The following AGPAT3 variants were observed in gnomAD, a reference collection of about 807,000 sequenced individuals.
AGPAT3 encodes the protein 1-acylglycerol-3-phosphate O-acyltransferase 3, also known as 1-acyl-sn-glycerol-3-phosphate acyltransferase gamma.
A neutral mutation model predicts 47.3 loss-of-function variants in AGPAT3; 5 were observed. The observed-to-expected ratio is 0.11, with a 90% CI of 0.06 to 0.22. AGPAT3 has a LOEUF of 0.22. AGPAT3 is among the 10% of genes least tolerant of loss of function. AGPAT3 has a pLI of 1.00. For missense variants in AGPAT3, 315 were observed against 493.0 expected (o/e 0.64, Z 3.42); for synonymous variants, 212 against 208.3 (o/e 1.02, Z -0.15).
rs558690087 is a variant in AGPAT3 at position 43,912,541 on chromosome 21, G to A, written c.-49+8522G>A. ...CAATCTTTGTTTCTCTCCTTTACTC[G>A]TCCTATGCCAGTGGCTGCAGGAAGT... On this transcript the variant is annotated intron_variant, in intron 2 of 9. Coordinates refer to ENST00000291572, the MANE Select transcript of AGPAT3 (RefSeq NM_020132.5). Among the ~76,000 whole-genome samples, 119 of 152,302 alleles carry A rather than the reference G, an allele frequency of 7.8e-4. 3 individuals carry two copies. The highest frequency in any genetic ancestry group is 2.2e-3 in the Admixed American group (34 of 15,302).
chr21:43,877,804 G>A (rs772815251), intron 1 of AGPAT3, among the ~76,000 whole-genome samples: 46 of 152,090 alleles, frequency 3.0e-4, no homozygotes, highest in African/African-American at 9.9e-4. Context: ...CATTCCCATC[G>A]TTGTTCTGGT....
rs372749459 is a variant in AGPAT3, at chr21:43,952,187, C to T, written c.-48-7447C>T. Among the ~76,000 whole-genome samples the T allele has an allele frequency of 6.9e-4, 105 of 152,164 alleles. 1 individual carries two copies. In the East Asian group the frequency reaches 0.013, roughly 19 times the overall value. The stretch of plus-strand genomic sequence containing the variant: ...CGGGGCTGCAGCTGCAGGCTTTTGT[C>T]GTCCTGTGGTCCTGGAGGCTGCAGG... On this transcript the variant is annotated intron_variant, in intron 2 of 9. Coordinates refer to ENST00000291572, the MANE Select transcript of AGPAT3 (RefSeq NM_020132.5). This position sits in a 1 kb window ranked among gnomAD's most constrained non-coding sequence, Gnocchi z 5.6.
In AGPAT3 at chr21:43,906,326, TC is replaced by T. The variant is rs768151497; in HGVS notation, c.-49+2314del. Among the ~76,000 whole-genome samples the T allele has an allele frequency of 1.9e-3, 291 of 151,512 alleles. 2 individuals are homozygous for T. Among genetic ancestry groups the T allele is most frequent in the African/African-American group, 6.6e-3 (273 of 41,264 alleles). ...TAAGCAGACGGTGTGGCACTGCAGC[TC>T]CCCCCCGCCCAAGCTGGTGAGTGTT... On this transcript the variant is annotated intron_variant, in intron 2 of 9. Transcript: ENST00000291572.
At chr21:43,894,304 C>A (rs1012941249) in intron 1 of AGPAT3, among the ~76,000 whole-genome samples, 3 of 149,250 alleles carry the variant, frequency 2.0e-5, no homozygotes, top group African/African-American at 7.4e-5. Context: ...CTGGTGAAAT[C>A]GTTCTGAACT....
chr21:43,947,753 C>T (rs1425373769), intron 2 of AGPAT3, among the ~76,000 whole-genome samples: 3 of 150,730 alleles, frequency 2.0e-5, no homozygotes, highest in African/African-American at 4.9e-5. Context: ...AAGTGATTCT[C>T]CTGCCTCAGC....
chr21:43,868,772 A>G (rs2085561876), intron 1 of AGPAT3, among the ~76,000 whole-genome samples: 1 of 152,164 alleles, frequency 6.6e-6, no homozygotes, highest in Non-Finnish European at 1.5e-5. Flanking sequence ...GCTTTATGAC[A>G]TGCTTACCTT....
intron 2 of AGPAT3, among the ~76,000 whole-genome samples, chr21:43,941,522 G>A (rs2087655620): frequency 6.6e-6 from 1 of 152,206 alleles, no homozygotes; most frequent in South Asian, 2.1e-4. Context: ...ACTCCAGCCT[G>A]GGCAACAGAG....
chr21:43,961,954 T>C (rs940300268), intron 3 of AGPAT3, among the ~76,000 whole-genome samples: 4 of 152,048 alleles, frequency 2.6e-5, no homozygotes, highest in African/African-American at 9.7e-5. Context: ...GCCCTTAGAC[T>C]AGCTTGTCTT....
intron 2 of AGPAT3, among the ~76,000 whole-genome samples, chr21:43,929,545 G>A (rs1421495609): frequency 6.6e-6 from 1 of 152,236 alleles, no homozygotes; most frequent in Non-Finnish European, 1.5e-5. Context: ...AGAACAAGAC[G>A]GTGCCGCCTG....
At chr21:43,866,199 T>TAA (rs146400522) in intron 1 of AGPAT3, among the ~76,000 whole-genome samples, 41 of 142,690 alleles carry the variant, frequency 2.9e-4, no homozygotes, top group Non-Finnish European at 4.9e-4. Context: ...CCCAGACCTT[T>TAA]AAAAAAAAAA....
At position 43,917,778 on chromosome 21, in the gene AGPAT3, GTTGTGGGTA is replaced by G. The variant is rs773391749; in HGVS notation, c.-49+13776_-49+13784del. Among the ~76,000 whole-genome samples the G allele has an allele frequency of 3.7e-4, 55 of 148,440 alleles. No homozygotes were observed. The South Asian group carries it at 6.6e-3, about 18-fold the overall frequency. On this transcript the variant is annotated intron_variant, in intron 2 of 9. Coordinates refer to ENST00000291572, the MANE Select transcript of AGPAT3 (RefSeq NM_020132.5). ...TTCCCCGGCAGAACTGTGTTGGGGT[GTTGTGGGTA>G]TTGTGGGTATTGTGGGGGTTGTGTT...
chr21:43,909,723 G>A (rs947797259), intron 2 of AGPAT3, among the ~76,000 whole-genome samples: 9 of 152,342 alleles, frequency 5.9e-5, no homozygotes, highest in African/African-American at 2.2e-4. Flanking sequence ...TGCCCTCGTT[G>A]CAGGAGAGCC....
chr21:43,907,808 G>T (rs1310897383), intron 2 of AGPAT3, among the ~76,000 whole-genome samples: 1 of 152,186 alleles, frequency 6.6e-6, no homozygotes. Context: ...AAAAATACGG[G>T]CTTCTACAAA....
intron 2 of AGPAT3, among the ~76,000 whole-genome samples, chr21:43,917,842 G>A (rs1292014669): frequency 7.2e-6 from 1 of 138,204 alleles, no homozygotes; most frequent in Non-Finnish European, 1.6e-5. Context: ...TGGGTGTTGT[G>A]TTGTGGGTGT....
chr21:43,871,439 A>G (rs2085622609), intron 1 of AGPAT3, among the ~76,000 whole-genome samples: 1 of 152,222 alleles, frequency 6.6e-6, no homozygotes. Flanking sequence ...AAGCCTGCAA[A>G]AAATAATGTT....
At chr21:43,900,263 G>C (rs978048589) in intron 1 of AGPAT3, among the ~76,000 whole-genome samples, 1 of 152,184 alleles carries the variant, frequency 6.6e-6, no homozygotes, top group African/African-American at 2.4e-5. Flanking sequence ...TGAAAACCTG[G>C]ATTTAAAAAT....
chr21:43,953,305 CAG>C (rs1169453627), intron 2 of AGPAT3, among the ~76,000 whole-genome samples: 1 of 152,182 alleles, frequency 6.6e-6, no homozygotes, highest in African/African-American at 2.4e-5. Context: ...GAAATGGAAA[CAG>C]GGACGGGATG....
chr21:43,878,632 C>G (rs541696260), intron 1 of AGPAT3, among the ~76,000 whole-genome samples: 6 of 152,338 alleles, frequency 3.9e-5, no homozygotes, highest in Admixed American at 1.3e-4. Flanking sequence ...CACGTTGTTG[C>G]TGATTTACCC....
chr21:43,960,750 C>T (rs369946211), intron 3 of AGPAT3: 60 of 985,078 alleles, frequency 6.1e-5, no homozygotes, highest in African/African-American at 3.1e-4. Context: ...CAGTTTTAAG[C>T]GAAAAAGGAA....
Sources: gnomAD v4.1 joint callset for allele counts (sites outside exome capture counted in the v4.1 genomes callset) on GRCh38, gnomAD v4.1.1 for gene constraint, Gnocchi (gnomAD v3.1) non-coding constraint, MANE v1.5 for transcripts, NCBI Gene and HGNC (gene_info 2026-07-23, HGNC 2026-07-21) for gene names.